Variants in PPP5C observed in about 807,000 individuals in gnomAD.
The protein encoded by PPP5C is protein phosphatase 5 catalytic subunit.
In PPP5C, 21 loss-of-function variants were observed where a neutral mutation model predicts 66.7. The ratio of observed to expected loss-of-function variants is 0.31; its 90% CI spans 0.22 to 0.45. The LOEUF (loss-of-function observed/expected upper bound fraction) is 0.45. PPP5C is among the 20% of genes least tolerant of loss of function. The pLI is 1.00. For synonymous variants in PPP5C, 246 were observed against 257.4 expected, an observed-to-expected ratio of 0.96 and a Z score of 0.43; for missense variants, 464 against 675.9, an observed-to-expected ratio of 0.69 and a Z score of 3.48.
At chr19:46,370,553 G>T (rs1972570781) in intron 2 of PPP5C, among the ~76,000 whole-genome samples, 1 of 152,148 alleles carries the variant, frequency 6.6e-6, no homozygotes, top group African/African-American at 2.4e-5. Context: ...AAATGTCCAT[G>T]GTGGTTCGCT....
chr19:46,376,703 G>C lies in PPP5C; in HGVS notation c.633+129G>C. On this transcript the variant is annotated intron_variant, in intron 4 of 12. Transcript: ENST00000012443. This position sits in a 1 kb window ranked among gnomAD's most constrained non-coding sequence, Gnocchi z 5.1. ...ACAGCCAACACCAAACAGGAGTCGT[G>C]TGCCGGACACTGTGCCGAGGGCTTA... 1 of 1,325,548 alleles carries C rather than the reference G, an allele frequency of 7.5e-7. No homozygotes were observed. Among genetic ancestry groups the C allele is most frequent in the Non-Finnish European group, 1.0e-6 (1 of 965,716 alleles). The allele number at this position is 1,325,548 out of a possible 1,614,324, so 82.1% of individuals were successfully genotyped here.
chr19:46,380,746 T>C (rs1972776297), intron 4 of PPP5C, among the ~76,000 whole-genome samples: 1 of 152,260 alleles, frequency 6.6e-6, no homozygotes, highest in Non-Finnish European at 1.5e-5. Flanking sequence ...CCATTGCCTT[T>C]TGACCTCCAT....
intron 2 of PPP5C, among the ~76,000 whole-genome samples, chr19:46,363,884 G>C (rs1319804111): frequency 1.3e-5 from 2 of 152,192 alleles, no homozygotes; most frequent in African/African-American, 4.8e-5. Context: ...AGATCAAGGA[G>C]CTCTATGTAA....
intron 2 of PPP5C, among the ~76,000 whole-genome samples, chr19:46,370,560 C>T (rs972384509): frequency 3.3e-5 from 5 of 152,098 alleles, no homozygotes; most frequent in African/African-American, 7.2e-5. Context: ...CATGGTGGTT[C>T]GCTTGGCTTC....
At chr19:46,378,393 CA>C (rs1217439119) in intron 4 of PPP5C, among the ~76,000 whole-genome samples, 1 of 152,170 alleles carries the variant, frequency 6.6e-6, no homozygotes, top group African/African-American at 2.4e-5. Flanking sequence ...TCTGTCTTGG[CA>C]AACATGCAGT....
rs748861237 is a variant in PPP5C at position 46,388,480 on chromosome 19, G to A, written c.1176+32G>A. 2.5e-6 allele frequency: 4 copies of A among 1,610,500 alleles called. No individual in the cohort carries two copies. Among genetic ancestry groups the A allele is most frequent in the Middle Eastern group, 1.6e-4 (1 of 6,072 alleles). ...CTAGGGTGGGGTGCAGGGCCGGCGG[G>A]TGTGGGCTGTGGCAGCAGGTGGAGG... On this transcript the variant is annotated intron_variant, in intron 10 of 12. Coordinates refer to ENST00000012443, the MANE Select transcript of PPP5C (RefSeq NM_006247.4). The surrounding 1 kb of genome is among the most constrained non-coding windows in gnomAD (Gnocchi z 4.9).
chr19:46,376,488 G>A lies in PPP5C; in HGVS notation c.547G>A (p.Asp183Asn). 1 of 1,613,850 alleles carries A rather than the reference G, an allele frequency of 6.2e-7. No individual in the cohort carries two copies. The highest frequency in any genetic ancestry group is 2.2e-5 in the East Asian group (1 of 44,808). ...EDEYSGPKLE[D>N]GKVTISFMKE... ...TGAGTACAGCGGACCCAAGCTTGAAGACGGCAAAGTGACAATCAGTTTCAT... is the reference window on the plus strand; with the variant it reads ...TGAGTACAGCGGACCCAAGCTTGAAAACGGCAAAGTGACAATCAGTTTCAT... The change falls in exon 4 of 13, where the codon GAC (aspartate) becomes AAC (asparagine). Residue 183 changes from aspartate to asparagine, a missense_variant. By Grantham distance (23) the Asp-to-Asn change is conservative. Transcript: ENST00000012443. The surrounding 1 kb of genome is among the most constrained non-coding windows in gnomAD (Gnocchi z 5.1).
chr19:46,384,982 A>C, intron 7 of PPP5C, 73 bp downstream of exon 7: 3 of 1,163,766 alleles, frequency 2.6e-6, no homozygotes, highest in Non-Finnish European at 3.9e-6. Flanking sequence ...CAAGGATAAT[A>C]GTTGCAGCTG....
At chr19:46,380,236 C>G (rs903133130) in intron 4 of PPP5C, among the ~76,000 whole-genome samples, 1 of 152,086 alleles carries the variant, frequency 6.6e-6, no homozygotes, top group Admixed American at 6.6e-5. Context: ...AGAAGAATCA[C>G]TTGAACCCAG....
At position 46,376,772 on chromosome 19, in the gene PPP5C, A is replaced by G; in HGVS notation, c.633+198A>G. ...TCCCACAGCAGTTTGGGGAGGTGGC[A>G]GGCAGTGCCATTTGACAGATGCAGG... On this transcript the variant is annotated intron_variant, in intron 4 of 12. Transcript: ENST00000012443. The surrounding 1 kb of genome is among the most constrained non-coding windows in gnomAD (Gnocchi z 5.1). The G allele has an allele frequency of 1.5e-6, 1 of 687,808 alleles. No homozygotes were observed. Among genetic ancestry groups the G allele is most frequent in the Non-Finnish European group, 2.3e-6 (1 of 437,974 alleles). 42.6% of individuals were successfully genotyped at this position (687,808 alleles called of 1,614,324 possible).
chr19:46,367,281 C>G (rs1403942960), intron 2 of PPP5C, among the ~76,000 whole-genome samples: 1 of 152,198 alleles, frequency 6.6e-6, no homozygotes, highest in African/African-American at 2.4e-5. Flanking sequence ...ACCATTACAT[C>G]AGGTAGGAGA....
At position 46,353,736 on chromosome 19, in the gene PPP5C, C is replaced by T; in HGVS notation, c.122-12C>T. On this transcript the variant is annotated splice_polypyrimidine_tract_variant and intron_variant, in intron 1 of 12. Transcript: ENST00000012443. ...GGAGCACTGCCTCATGCCTCTTCTT[C>T]TGTCTCCGCAGCCAAGGACTACGAG... The T allele has an allele frequency of 6.2e-7, 1 of 1,613,992 alleles. No individual in the cohort carries two copies. Among genetic ancestry groups the T allele is most frequent in the African/African-American group, 1.3e-5 (1 of 75,066 alleles).
chr19:46,380,945 T>C (rs145508822), intron 4 of PPP5C, among the ~76,000 whole-genome samples: 9 of 152,360 alleles, frequency 5.9e-5, no homozygotes, highest in African/African-American at 1.9e-4. Flanking sequence ...TTATTTCTTA[T>C]ATTTCTTCCC....
intron 2 of PPP5C, among the ~76,000 whole-genome samples, chr19:46,372,724 C>A (rs1972615986): frequency 6.6e-6 from 1 of 152,208 alleles, no homozygotes; most frequent in Non-Finnish European, 1.5e-5. Context: ...AGAAGTAATG[C>A]AGAAATCCCA....
chr19:46,349,128 C>T (rs1367612487), intron 1 of PPP5C, among the ~76,000 whole-genome samples: 1 of 151,938 alleles, frequency 6.6e-6, no homozygotes, highest in Non-Finnish European at 1.5e-5. Flanking sequence ...GGTGAAACGA[C>T]GTCTCTGCTG....
intron 2 of PPP5C, among the ~76,000 whole-genome samples, chr19:46,361,169 G>A (rs1449060407): frequency 2.4e-5 from 3 of 126,716 alleles, no homozygotes; most frequent in Non-Finnish European, 4.7e-5. Flanking sequence ...TCACTCTGTC[G>A]CCCAGGCTGG....
Position 46,390,415 on chromosome 19 carries a change from G to T in PPP5C, c.*69G>T. ...CACCGGACCCAGGCCCTGGGCTAGGGGCAGAGCAGGCCCCGCCCCAGGGCA... is the reference window on the plus strand; with the variant it reads ...CACCGGACCCAGGCCCTGGGCTAGGTGCAGAGCAGGCCCCGCCCCAGGGCA... On this transcript the variant is annotated 3_prime_UTR_variant, in exon 13 of 13. Coordinates refer to ENST00000012443, the MANE Select transcript of PPP5C (RefSeq NM_006247.4). 2 of 1,547,890 alleles carry T rather than the reference G, an allele frequency of 1.3e-6. No individual in the cohort carries two copies. The highest frequency in any genetic ancestry group is 8.7e-7 in the Non-Finnish European group (1 of 1,145,592).
At chr19:46,387,345 C>T (rs371246774) in intron 8 of PPP5C, 21 bp from the exon 9 acceptor site, 6 of 1,605,892 alleles carry the variant, frequency 3.7e-6, no homozygotes, top group South Asian at 1.1e-5. Context: ...TCCCTCACAG[C>T]GGCATCCCCC....
chr19:46,379,445 C>T (rs1972752659), intron 4 of PPP5C, among the ~76,000 whole-genome samples: 1 of 152,182 alleles, frequency 6.6e-6, no homozygotes, highest in Non-Finnish European at 1.5e-5. Flanking sequence ...ACCTCGGCCT[C>T]CTAAAGTGCT....
Sources: allele counts gnomAD v4.1 joint callset (sites outside exome capture counted in the v4.1 genomes callset), GRCh38; gene constraint gnomAD v4.1.1; non-coding constraint Gnocchi (gnomAD v3.1); transcripts MANE v1.5; gene names NCBI Gene and HGNC (gene_info 2026-07-23, HGNC 2026-07-21).